TRIM61: variants seen among roughly 807,000 people sequenced by gnomAD.
TRIM61 encodes the protein putative tripartite motif-containing protein 61.
TRIM61 carries 1 observed loss-of-function variant against 14.2 expected under a neutral mutation model. The ratio of observed to expected loss-of-function variants is 0.07; its 90% CI spans 0.03 to 0.33. TRIM61 has a LOEUF of 0.33. Ranked by LOEUF, TRIM61 falls within the 10% of genes least tolerant of loss-of-function variation. TRIM61 has a pLI of 0.99. For synonymous variants in TRIM61, 8 were observed against 71.6 expected (o/e 0.11, Z 4.49); for missense variants, 19 against 202.2 (o/e 0.09, Z 5.49).
intron 3 of TRIM61, chr4:164,957,196 T>G (rs200744331): frequency 1.2e-6 from 2 of 1,613,834 alleles, no homozygotes; most frequent in African/African-American, 2.7e-5. Flanking sequence ...GCAGTGTCTC[T>G]TTGCTCAGAC....
At chr4:164,975,455 G>A (rs1264767273) in intron 2 of TRIM61, among the ~76,000 whole-genome samples, 1 of 152,090 alleles carries the variant, frequency 6.6e-6, no homozygotes, top group African/African-American at 2.4e-5. Flanking sequence ...AAAAAGACCT[G>A]TACTTTAAAC....
rs1159841824 is a variant in TRIM61, at chr4:164,954,549, A to G, written c.*236T>C. On this transcript the variant is annotated 3_prime_UTR_variant, in exon 5 of 5. Transcript: ENST00000329314. The stretch of plus-strand genomic sequence containing the variant: ...AATTATATATATTGATTATAATTCA[A>G]TATGTTCTTGTATTAATTAGCATAT... 1.3e-5 allele frequency: 2 copies of G among 152,238 alleles called. No individual in the cohort carries two copies. Among genetic ancestry groups the G allele is most frequent in the Admixed American group, 1.3e-4 (2 of 15,284 alleles). The allele number at this position is 152,238 out of a possible 1,614,324, so 9.4% of individuals were successfully genotyped here.
At chr4:164,965,079 G>C (rs1439938102) in intron 3 of TRIM61, among the ~76,000 whole-genome samples, 2 of 152,196 alleles carry the variant, frequency 1.3e-5, no homozygotes, top group Admixed American at 6.5e-5. Flanking sequence ...CTTGAGATCA[G>C]AAGTTTGAGA....
At chr4:164,955,400 A>G (rs866203081) in intron 3 of TRIM61, among the ~76,000 whole-genome samples, 32 of 151,920 alleles carry the variant, frequency 2.1e-4, no homozygotes, top group African/African-American at 7.3e-4. Context: ...ACCAAATCCT[A>G]TGTTTTAAAA....
intron 3 of TRIM61, among the ~76,000 whole-genome samples, chr4:164,955,382 T>G (rs971562370): frequency 6.6e-6 from 1 of 152,036 alleles, no homozygotes; most frequent in African/African-American, 2.4e-5. Context: ...TATTGAGTTC[T>G]GTGCCACACC....
chr4:164,965,156 C>G (rs1048985743), intron 3 of TRIM61, among the ~76,000 whole-genome samples: 1 of 151,980 alleles, frequency 6.6e-6, no homozygotes, highest in East Asian at 1.9e-4. Context: ...GGCACGGTGA[C>G]GCGAGTCTGT....
chr4:164,973,216 T>C (rs1215600421), intron 2 of TRIM61, among the ~76,000 whole-genome samples: 1 of 152,192 alleles, frequency 6.6e-6, no homozygotes, highest in Non-Finnish European at 1.5e-5. Flanking sequence ...CTCCGTAAGT[T>C]AGGAGCTATT....
In TRIM61 at chr4:164,976,788, A is replaced by C. The variant is rs957473496; in HGVS notation, c.-438T>G. 4 of 152,198 alleles carry C rather than the reference A, an allele frequency of 2.6e-5. No homozygotes were observed. The highest frequency in any genetic ancestry group is 1.9e-4 in the East Asian group (1 of 5,196). 9.4% of individuals were successfully genotyped at this position (152,198 alleles called of 1,614,324 possible). On this transcript the variant is annotated 5_prime_UTR_variant, in exon 2 of 5. Coordinates refer to ENST00000329314, the MANE Select transcript of TRIM61 (RefSeq NM_001012414.3). ...TGGTTTTTTCCTAAGTTCCCAGATG[A>C]TGCTGCTGGCCTGCGGACTGTACTT...
At chr4:164,955,938 G>C (rs1731978408) in intron 3 of TRIM61, among the ~76,000 whole-genome samples, 2 of 152,224 alleles carry the variant, frequency 1.3e-5, no homozygotes, top group Admixed American at 1.3e-4. Flanking sequence ...AAAGGAGACA[G>C]AATCTGAGAG....
intron 2 of TRIM61, among the ~76,000 whole-genome samples, chr4:164,976,404 C>T (rs990316057): frequency 2.0e-5 from 3 of 152,152 alleles, no homozygotes; most frequent in African/African-American, 7.2e-5. Flanking sequence ...AGAGGACTCA[C>T]TCCAGGTATC....
intron 3 of TRIM61, chr4:164,958,224 A>T (rs1424826117): frequency 6.0e-6 from 1 of 167,102 alleles, no homozygotes; most frequent in Admixed American, 6.5e-5. Flanking sequence ...TTTAGTTTTC[A>T]GCTATAGAAA....
intron 3 of TRIM61, among the ~76,000 whole-genome samples, chr4:164,960,311 G>C (rs1457798455): frequency 6.6e-6 from 1 of 152,040 alleles, no homozygotes; most frequent in East Asian, 1.9e-4. Flanking sequence ...TTTCGAGGCC[G>C]AGGCGGGTGG....
chr4:164,964,268 A>C lies in TRIM61; in HGVS notation c.525+5210T>G, dbSNP rs183683952. On this transcript the variant is annotated intron_variant, in intron 3 of 4. Coordinates refer to ENST00000329314, the MANE Select transcript of TRIM61 (RefSeq NM_001012414.3). Reference sequence around the variant, plus strand: ...GAGGCTGAGGCAAGAGAATGGCATGAACCCGGGAGGCGAAGCTTGCAGTGA... The same window carrying C: ...GAGGCTGAGGCAAGAGAATGGCATGCACCCGGGAGGCGAAGCTTGCAGTGA... Among the ~76,000 whole-genome samples, 731 of 151,650 alleles carry C rather than the reference A, an allele frequency of 4.8e-3. 5 individuals carry two copies. The highest frequency in any genetic ancestry group is 0.014 in the Middle Eastern group (4 of 294).
intron 3 of TRIM61, chr4:164,968,751 TG>T: frequency 1.0e-6 from 1 of 981,088 alleles, no homozygotes. Flanking sequence ...TCTAAAAAAA[TG>T]CCAATCTTAC....
At chr4:164,977,066 G>A (rs1732497956) in intron 1 of TRIM61, among the ~76,000 whole-genome samples, 1 of 152,034 alleles carries the variant, frequency 6.6e-6, no homozygotes. Flanking sequence ...TCATCATACT[G>A]GCTGATTCTT....
intron 3 of TRIM61, among the ~76,000 whole-genome samples, chr4:164,962,083 TGTAC>T: frequency 6.6e-6 from 1 of 152,302 alleles, no homozygotes; most frequent in East Asian, 1.9e-4. Context: ...ATAGGACCAC[TGTAC>T]TGTATGTGGT....
At chr4:164,966,460 G>A (rs1161627176) in intron 3 of TRIM61, among the ~76,000 whole-genome samples, 1 of 152,078 alleles carries the variant, frequency 6.6e-6, no homozygotes, top group African/African-American at 2.4e-5. Context: ...AGGTATTATT[G>A]GAATGTGATT....
intron 2 of TRIM61, 92 bp from the exon 3 acceptor site, chr4:164,970,431 G>T (rs111618269): frequency 0.038 from 6,550 of 173,370 alleles, 1 homozygote; most frequent in Non-Finnish European, 0.059. Flanking sequence ...CTAAAATCAT[G>T]GGGTGGAAGT....
chr4:164,971,659 C>T (rs980618361), intron 2 of TRIM61, among the ~76,000 whole-genome samples: 1 of 151,850 alleles, frequency 6.6e-6, no homozygotes, highest in South Asian at 2.1e-4. Flanking sequence ...GGGGTGAATC[C>T]AGGGAAAAAG....
Sources: gnomAD v4.1 joint callset for allele counts (sites outside exome capture counted in the v4.1 genomes callset) on GRCh38, gnomAD v4.1.1 for gene constraint, MANE v1.5 for transcripts, NCBI Gene and HGNC (gene_info 2026-07-23, HGNC 2026-07-21) for gene names.